Variants in SUGCT observed in about 807,000 individuals in gnomAD.
SUGCT encodes the protein succinyl-CoA:glutarate CoA-transferase.
In SUGCT, 41 loss-of-function variants were observed where a neutral mutation model predicts 55.0. That is an observed-to-expected ratio of 0.74 (90% CI 0.58 to 0.97). The LOEUF is 0.97. SUGCT is among the 50% of genes least tolerant of loss of function. The pLI, the probability that SUGCT is intolerant of heterozygous loss-of-function variation, is 0.00. For missense variants in SUGCT, 568 were observed against 547.8 expected, an observed-to-expected ratio of 1.04 and a Z score of -0.37; for synonymous variants, 187 against 200.4, an observed-to-expected ratio of 0.93 and a Z score of 0.56.
rs181027246 is a variant in SUGCT at position 40,819,443 on chromosome 7, C to T, written c.1154-40873C>T. ...TGTTGTTTCCTGATTTTTTAATGAT[C>T]GCCATTCTGACTGGTGTGAGATGGT... On this transcript the variant is annotated intron_variant, in intron 13 of 13. Coordinates refer to ENST00000335693, the MANE Select transcript of SUGCT (RefSeq NM_001193313.2). Among the ~76,000 whole-genome samples, 266 of 152,122 alleles carry T rather than the reference C, an allele frequency of 1.7e-3. 2 individuals are homozygous for T. The highest frequency in any genetic ancestry group is 6.2e-3 in the African/African-American group (257 of 41,496).
At chr7:40,859,760 C>A (rs1237193489) in intron 13 of SUGCT, among the ~76,000 whole-genome samples, 1 of 152,224 alleles carries the variant, frequency 6.6e-6, no homozygotes, top group Non-Finnish European at 1.5e-5. Flanking sequence ...GAGAGCAAAG[C>A]CTAAGTCTCT....
chr7:40,676,181 C>T (rs561684433), intron 12 of SUGCT, among the ~76,000 whole-genome samples: 4 of 152,250 alleles, frequency 2.6e-5, no homozygotes, highest in Admixed American at 2.0e-4. Context: ...GTCTTCTCAT[C>T]TAGCAAAGGG....
chr7:40,867,131 TATA>T, the SUGCT span, among the ~76,000 whole-genome samples: 34,295 of 148,166 alleles, frequency 0.23, 5,086 homozygotes, highest in Non-Finnish European at 0.34. Flanking sequence ...CTTATATATA[TATA>T]ATAAGATTAA....
At chr7:40,162,968 G>A (rs966134799) in intron 1 of SUGCT, among the ~76,000 whole-genome samples, 7 of 152,140 alleles carry the variant, frequency 4.6e-5, no homozygotes, top group Non-Finnish European at 7.4e-5. Flanking sequence ...GTACAAATTA[G>A]CCCAATCTCA....
At chr7:40,408,413 C>T (rs1014725545) in intron 9 of SUGCT, among the ~76,000 whole-genome samples, 4 of 151,910 alleles carry the variant, frequency 2.6e-5, no homozygotes, top group Admixed American at 6.6e-5. Flanking sequence ...GTATGCCTCC[C>T]GCTTTCTGCT....
intron 7 of SUGCT, among the ~76,000 whole-genome samples, chr7:40,266,675 G>A (rs1791600172): frequency 2.0e-5 from 3 of 151,980 alleles, no homozygotes; most frequent in African/African-American, 7.3e-5. Flanking sequence ...TACTTTTAGT[G>A]AATTTTTGAA....
the SUGCT span, chr7:40,964,545 C>G: frequency 2.6e-5 from 4 of 152,168 alleles, no homozygotes; most frequent in African/African-American, 9.7e-5. Context: ...TTGCAAAGCT[C>G]ACATAGTGAA....
chr7:40,687,294 G>A (rs1784508165), intron 12 of SUGCT, among the ~76,000 whole-genome samples: 1 of 152,150 alleles, frequency 6.6e-6, no homozygotes, highest in Non-Finnish European at 1.5e-5. Flanking sequence ...ATTGGCAGAA[G>A]GGGACAGGGA....
intron 12 of SUGCT, among the ~76,000 whole-genome samples, chr7:40,714,072 G>A (rs865892350): frequency 2.4e-4 from 36 of 152,210 alleles, no homozygotes; most frequent in African/African-American, 8.4e-4. Flanking sequence ...GCTCATGCCT[G>A]TAATCCCAGC....
chr7:40,177,015 T>C lies in SUGCT; in HGVS notation c.101-3932T>C, dbSNP rs553465528. Among the ~76,000 whole-genome samples, 4 of 151,180 alleles carry C rather than the reference T, an allele frequency of 2.6e-5. No homozygotes were observed. The East Asian group carries it at 7.8e-4, about 29-fold the overall frequency. On this transcript the variant is annotated intron_variant, in intron 1 of 13. Coordinates refer to ENST00000335693, the MANE Select transcript of SUGCT (RefSeq NM_001193313.2). ...TCTTTCACTACCATTTGAACAAATA[T>C]GCATGCCCTTTCCATCCTTCCAAAT...
At position 40,298,109 on chromosome 7, in the gene SUGCT, A is replaced by G. The variant is rs926838158; in HGVS notation, c.721-18651A>G. On this transcript the variant is annotated intron_variant, in intron 8 of 13. Coordinates refer to ENST00000335693, the MANE Select transcript of SUGCT (RefSeq NM_001193313.2). ...TTTTTCTTGAAGTTAGCTACAAGCC[A>G]TGCATGGCTAAGTAATGTTGACCTT... is the stretch of plus-strand genomic sequence containing the variant. 3.3e-5 allele frequency among the ~76,000 whole-genome samples: 5 copies of G among 151,540 alleles called. No homozygotes were observed. In the East Asian group the frequency reaches 9.7e-4, roughly 29 times the overall value.
chr7:40,811,450 G>C lies in SUGCT; in HGVS notation c.1154-48866G>C, dbSNP rs557385831. On this transcript the variant is annotated intron_variant, in intron 13 of 13. Transcript: ENST00000335693. ...TTAATGTATGATTTCTTTTAGCACT[G>C]TTTTATAGTTCTCCTTGTAGAGCTC... 1.3e-3 allele frequency among the ~76,000 whole-genome samples: 194 copies of C among 152,196 alleles called. 1 individual carries two copies. The highest frequency in any genetic ancestry group is 3.4e-3 in the Middle Eastern group (1 of 294).
chr7:40,372,685 A>C (rs568649983), intron 9 of SUGCT, among the ~76,000 whole-genome samples: 1 of 152,210 alleles, frequency 6.6e-6, no homozygotes, highest in East Asian at 1.9e-4. Context: ...TTATGCAGGC[A>C]AGTAAATCAT....
intron 9 of SUGCT, among the ~76,000 whole-genome samples, chr7:40,347,131 A>G (rs1797358699): frequency 6.6e-6 from 1 of 152,194 alleles, no homozygotes; most frequent in African/African-American, 2.4e-5. Context: ...GAAAGCCAAG[A>G]TTGCCATGAA....
intron 12 of SUGCT, among the ~76,000 whole-genome samples, chr7:40,660,493 G>A (rs1296546404): frequency 6.6e-6 from 1 of 152,072 alleles, no homozygotes; most frequent in African/African-American, 2.4e-5. Context: ...TCCTGATCTC[G>A]TGATCTGCCC....
At chr7:40,783,075 C>A (rs1342355865) in intron 13 of SUGCT, among the ~76,000 whole-genome samples, 4 of 152,136 alleles carry the variant, frequency 2.6e-5, no homozygotes, top group Admixed American at 1.3e-4. Flanking sequence ...GGAAGGCTGA[C>A]TTTGAGCATA....
At chr7:40,488,186 T>C (rs1006973889) in intron 11 of SUGCT, among the ~76,000 whole-genome samples, 2 of 152,010 alleles carry the variant, frequency 1.3e-5, no homozygotes, top group Admixed American at 6.6e-5. Context: ...TTTTTTCTAG[T>C]AGTATGTTTT....
the SUGCT span, among the ~76,000 whole-genome samples, chr7:40,981,769 T>C: frequency 9.1e-4 from 139 of 152,378 alleles, no homozygotes; most frequent in African/African-American, 2.9e-3. Context: ...TGCCATTTTA[T>C]GACAAATATT....
At chr7:40,874,634 C>A in the SUGCT span, among the ~76,000 whole-genome samples, 1 of 152,050 alleles carries the variant, frequency 6.6e-6, no homozygotes, top group East Asian at 1.9e-4. Flanking sequence ...TTGTGATATA[C>A]AATATATTCT....
Sources: gnomAD v4.1 joint callset for allele counts (sites outside exome capture counted in the v4.1 genomes callset) on GRCh38, gnomAD v4.1.1 for gene constraint, MANE v1.5 for transcripts, NCBI Gene and HGNC (gene_info 2026-07-23, HGNC 2026-07-21) for gene names.